Variants in DHTKD1 observed in about 807,000 individuals in gnomAD.
DHTKD1 encodes the protein 2-oxoadipate dehydrogenase complex component E1.
DHTKD1 carries 78 observed loss-of-function variants against 101.8 expected under a neutral mutation model. That is an observed-to-expected ratio of 0.77 (90% CI 0.64 to 0.93). The LOEUF (loss-of-function observed/expected upper bound fraction) is 0.93. Among genes scored for constraint, DHTKD1 ranks in the 40% least tolerant of loss-of-function variants. The pLI is 0.00. For missense variants in DHTKD1, 1,223 were observed against 1,161.7 expected (o/e 1.05, Z -0.77); for synonymous variants, 462 against 450.3 (o/e 1.03, Z -0.33).
At chr10:12,081,744 G>A in intron 2 of DHTKD1, 117 bp downstream of exon 2, 5 of 1,111,738 alleles carry the variant, frequency 4.5e-6, no homozygotes, top group Non-Finnish European at 6.5e-6. Flanking sequence ...GGTGTGAGGA[G>A]ACCCGAGGGG....
chr10:12,094,050 C>G (rs774960836), intron 6 of DHTKD1, 23 bp from the exon 7 acceptor site: 1 of 1,603,760 alleles, frequency 6.2e-7, no homozygotes, highest in African/African-American at 1.3e-5. Flanking sequence ...TGTCCTGTTT[C>G]GGCTTGGTCT....
rs1833246983 is a variant in DHTKD1 at position 12,106,336 on chromosome 10, GCA to G, written c.1990_1991del (p.Gln664ValfsTer13). 1 of 1,614,056 alleles carries G rather than the reference GCA, an allele frequency of 6.2e-7. No individual in the cohort carries two copies. On this transcript the variant is annotated frameshift_variant, in exon 11 of 17. Coordinates refer to ENST00000263035, the MANE Select transcript of DHTKD1 (RefSeq NM_018706.7). LOFTEE classifies it high-confidence loss of function. ...ESPKLLPLWE[A>X]QFGDFFNGAQ... is the part of the protein sequence containing the mutation. ...CCCAAAGTTACTGCCCCTGTGGGAG[GCA>G]CAGTTTGGCGATTTCTTCAATGGTG... is the stretch of plus-strand genomic sequence containing the variant.
intron 10 of DHTKD1, among the ~76,000 whole-genome samples, chr10:12,105,641 A>G (rs2131619217): frequency 6.6e-6 from 1 of 152,264 alleles, no homozygotes; most frequent in Middle Eastern, 3.4e-3. Flanking sequence ...ACGCAGTTGT[A>G]TACCTAGCTC....
chr10:12,091,556 A>T lies in DHTKD1; in HGVS notation c.1031A>T (p.Glu344Val). The T allele has an allele frequency of 6.2e-7, 1 of 1,612,508 alleles. No individual in the cohort carries two copies. The highest frequency in any genetic ancestry group is 8.5e-7 in the Non-Finnish European group (1 of 1,179,818). Residue 344 changes from glutamate (E) to valine (V), a missense_variant, in exon 6 of 17, where the codon GAA becomes GTA. Coordinates refer to ENST00000263035, the MANE Select transcript of DHTKD1 (RefSeq NM_018706.7). ...ASFCGQGIVP[E>V]TFTLSNLPHF... The stretch of plus-strand genomic sequence containing the variant: ...TTCTGTGGTCAAGGGATTGTTCCTG[A>T]AACATTCACGCTGTCCAATCTCCCA...
chr10:12,115,777 T>C (rs1232033133), intron 13 of DHTKD1, among the ~76,000 whole-genome samples: 2 of 152,122 alleles, frequency 1.3e-5, no homozygotes, highest in South Asian at 2.1e-4. Context: ...TTTTTTCTTT[T>C]TTTTGTTATT....
rs1204175348 is a variant in DHTKD1 at position 12,121,256 on chromosome 10, C to G, written c.*368C>G. 4.5e-6 allele frequency: 1 copy of G among 220,256 alleles called. No homozygotes were observed. The highest frequency in any genetic ancestry group is 5.2e-5 in the Admixed American group (1 of 19,372). The allele number at this position is 220,256 out of a possible 1,614,324, so 13.6% of individuals were successfully genotyped here. A position where few individuals can be genotyped will look rare whatever the true frequency, so the allele number is the denominator to read the frequency against. On this transcript the variant is annotated 3_prime_UTR_variant, in exon 17 of 17. Transcript: ENST00000263035. ...AAAAAAAACCCATTAAAAGAGGCCT[C>G]CTTCCTCCACTCTCTCAACCCCTCT...
At chr10:12,099,452 C>A (rs1302384558) in intron 8 of DHTKD1, among the ~76,000 whole-genome samples, 1 of 152,076 alleles carries the variant, frequency 6.6e-6, no homozygotes, top group Admixed American at 6.6e-5. Flanking sequence ...TTTGGGAGGC[C>A]AAGCCGGGCA....
In DHTKD1 at chr10:12,107,500, C is replaced by T. The variant is rs1237985522; in HGVS notation, c.2048-409C>T. On this transcript the variant is annotated intron_variant, in intron 11 of 16. Coordinates refer to ENST00000263035, the MANE Select transcript of DHTKD1 (RefSeq NM_018706.7). This position sits in a 1 kb window ranked among gnomAD's most constrained non-coding sequence, Gnocchi z 4.1. ...TGGCATGATCTCAGGACACTGCAAC[C>T]TCTATCTCCCGGGGTCAAGTGATTC... is the stretch of plus-strand genomic sequence containing the variant. Among the ~76,000 whole-genome samples the T allele has an allele frequency of 6.6e-6, 1 of 151,948 alleles. No individual in the cohort carries two copies. The highest frequency in any genetic ancestry group is 2.4e-5 in the African/African-American group (1 of 41,376).
chr10:12,117,606 C>T, intron 13 of DHTKD1, 67 bp from the exon 14 acceptor site: 1 of 915,740 alleles, frequency 1.1e-6, no homozygotes, highest in Non-Finnish European at 1.8e-6. Context: ...TTGATAGCGG[C>T]CCTTGTAAGT....
intron 12 of DHTKD1, among the ~76,000 whole-genome samples, chr10:12,109,151 A>G (rs1386830005): frequency 6.6e-6 from 1 of 152,036 alleles, no homozygotes; most frequent in East Asian, 1.9e-4. Context: ...TCAAAAAATT[A>G]AATAAATAAA....
At chr10:12,099,327 T>A (rs1833120367) in intron 8 of DHTKD1, among the ~76,000 whole-genome samples, 1 of 152,244 alleles carries the variant, frequency 6.6e-6, no homozygotes, top group African/African-American at 2.4e-5. Context: ...CCCTCCTTGA[T>A]CCATCTCCTC....
At chr10:12,119,040 C>A in intron 15 of DHTKD1, 122 bp downstream of exon 15, 1 of 932,194 alleles carries the variant, frequency 1.1e-6, no homozygotes, top group Non-Finnish European at 1.5e-6. Flanking sequence ...GGCGCGGTGG[C>A]TCACACCTGT....
chr10:12,091,572 C>T lies in DHTKD1; in HGVS notation c.1047C>T (p.Ser349=), dbSNP rs764537674. ...TTGTTCCTGAAACATTCACGCTGTC[C>T]AATCTCCCACATTTCAGAATTGGTG... is the stretch of plus-strand genomic sequence containing the variant. ...QGIVPETFTL[S]NLPHFRIGGS... The change falls in exon 6 of 17, where the codon TCC becomes TCT. Residue 349 remains serine, a synonymous_variant. Coordinates refer to ENST00000263035, the MANE Select transcript of DHTKD1 (RefSeq NM_018706.7). 2.5e-6 allele frequency: 4 copies of T among 1,613,052 alleles called. No homozygotes were observed. In the African/African-American group the frequency reaches 5.3e-5, roughly 22 times the overall value.
rs1384318544 is a variant in DHTKD1 at position 12,081,626 on chromosome 10, A to G, written c.309A>G (p.Ala103=). The G allele has an allele frequency of 1.2e-6, 2 of 1,613,986 alleles. No individual in the cohort carries two copies. Among genetic ancestry groups the G allele is most frequent in the Non-Finnish European group, 1.7e-6 (2 of 1,180,014 alleles). The change falls in exon 2 of 17, where the codon GCA becomes GCG. Residue 103 remains alanine (A), a splice_region_variant and synonymous_variant. Coordinates refer to ENST00000263035, the MANE Select transcript of DHTKD1 (RefSeq NM_018706.7). The part of the protein sequence containing the change: ...VQTLQGPFHT[A]GLLNMGKEEA... ...CACTGCAGGGACCCTTCCACACGGC[A>G]GGTATGGCTTCTGCACAGCAGGCGG... is the stretch of plus-strand genomic sequence containing the variant.
At position 12,120,959 on chromosome 10, in the gene DHTKD1, C is replaced by G. The variant is rs531084641; in HGVS notation, c.*71C>G. On this transcript the variant is annotated 3_prime_UTR_variant, in exon 17 of 17. Coordinates refer to ENST00000263035, the MANE Select transcript of DHTKD1 (RefSeq NM_018706.7). ...TTAAGGCCGGGTGGGGTGGCACATG[C>G]CTGTAATCCCAGCACTTTGGGAGGC... 1 of 1,406,100 alleles carries G rather than the reference C, an allele frequency of 7.1e-7. No homozygotes were observed. Among genetic ancestry groups the G allele is most frequent in the African/African-American group, 1.4e-5 (1 of 70,580 alleles). The allele number at this position is 1,406,100 out of a possible 1,614,324, so 87.1% of individuals were successfully genotyped here. A position where few individuals can be genotyped will look rare whatever the true frequency, so the allele number is the denominator to read the frequency against.
chr10:12,101,567 G>A (rs1432988865), intron 10 of DHTKD1, among the ~76,000 whole-genome samples: 1 of 152,126 alleles, frequency 6.6e-6, no homozygotes, highest in African/African-American at 2.4e-5. Flanking sequence ...GTTCCCTAAG[G>A]TATGATTGGC....
intron 6 of DHTKD1, among the ~76,000 whole-genome samples, chr10:12,092,555 GCA>G (rs1293582337): frequency 6.6e-6 from 1 of 151,982 alleles, no homozygotes. Flanking sequence ...TGTAATCCCA[GCA>G]CTTTGGGAGG....
At chr10:12,085,777 C>T (rs1238332801) in intron 3 of DHTKD1, among the ~76,000 whole-genome samples, 1 of 151,978 alleles carries the variant, frequency 6.6e-6, no homozygotes, top group African/African-American at 2.4e-5. Flanking sequence ...GTCCCAACTA[C>T]TTGGGAAGCT....
intron 1 of DHTKD1, among the ~76,000 whole-genome samples, chr10:12,078,171 T>TGAG (rs1360986435): frequency 6.6e-6 from 1 of 151,936 alleles, no homozygotes; most frequent in African/African-American, 2.4e-5. Context: ...ATGCCTGTAA[T>TGAG]CTCAGCACTT....
Sources: allele counts gnomAD v4.1 joint callset (sites outside exome capture counted in the v4.1 genomes callset), GRCh38; gene constraint gnomAD v4.1.1; non-coding constraint Gnocchi (gnomAD v3.1); transcripts MANE v1.5; gene names NCBI Gene and HGNC (gene_info 2026-07-23, HGNC 2026-07-21).